TMA16: variants seen among roughly 807,000 people sequenced by gnomAD.
The protein encoded by TMA16 is translation machinery associated 16 homolog, also known as translation machinery-associated protein 16.
In TMA16, 26 loss-of-function variants were observed where a neutral mutation model predicts 27.1. The ratio of observed to expected loss-of-function variants is 0.96; its 90% CI spans 0.70 to 1.33. The LOEUF (loss-of-function observed/expected upper bound fraction) is 1.33, where lower values mean the gene tolerates loss of function less well. Among genes scored for constraint, TMA16 ranks in the 40% most tolerant of loss-of-function variants. TMA16 has a pLI of 0.00. For missense variants in TMA16, 233 were observed against 241.4 expected (o/e 0.97, Z 0.23); for synonymous variants, 71 against 81.9 (o/e 0.87, Z 0.72).
chr4:163,516,611 C>G (rs1216088194), intron 5 of TMA16, among the ~76,000 whole-genome samples: 1 of 152,092 alleles, frequency 6.6e-6, no homozygotes, highest in East Asian at 1.9e-4. Flanking sequence ...GTTCATGCCT[C>G]TTGTATTTCA....
At position 163,517,435 on chromosome 4, in the gene TMA16, G is replaced by T. The variant is rs761890276; in HGVS notation, c.390G>T (p.Glu130Asp). ...ERQQFEGYGL[E>D]IPDILNASNL... is the part of the protein sequence containing the mutation. ...GAGATAAATTACTTTCTTTTCCAGA[G>T]ATTCCAGACATTCTAAATGCAAGTA... Residue 130 changes from glutamate to aspartate, a missense_variant and splice_region_variant, in exon 6 of 7, where the codon GAG becomes GAT. Transcript: ENST00000358572. 5.0e-6 allele frequency: 8 copies of T among 1,612,718 alleles called. No individual in the cohort carries two copies. Among genetic ancestry groups the T allele is most frequent in the Non-Finnish European group, 6.8e-6 (8 of 1,179,228 alleles).
In TMA16 at chr4:163,494,768, T is replaced by G. The variant is rs554897304; in HGVS notation, c.-34T>G. Reference sequence around the variant, plus strand: ...TTGGTGAGATTACCTGGGTCTAGAGTGCGGAGCTGCTCCGTGGCCACGAGG... The same window carrying G: ...TTGGTGAGATTACCTGGGTCTAGAGGGCGGAGCTGCTCCGTGGCCACGAGG... On this transcript the variant is annotated 5_prime_UTR_variant, in exon 1 of 7. Transcript: ENST00000358572. The G allele has an allele frequency of 2.2e-5, 35 of 1,612,888 alleles. No individual in the cohort carries two copies. In the South Asian group the frequency reaches 3.7e-4, roughly 17 times the overall value.
intron 6 of TMA16, among the ~76,000 whole-genome samples, chr4:163,518,328 C>T (rs1051383307): frequency 3.3e-5 from 5 of 152,072 alleles, no homozygotes; most frequent in African/African-American, 7.2e-5. Flanking sequence ...GCAGCCTTGA[C>T]AAAAAATTTA....
In TMA16 at chr4:163,520,231, A is replaced by C; in HGVS notation, c.*717A>C. ...TTTATTTGTGGAGAGAGAGTTGAAG[A>C]TTAGGGAACCAGTGATTTTAATTAT... On this transcript the variant is annotated 3_prime_UTR_variant, in exon 7 of 7. Transcript: ENST00000358572. 3.9e-6 allele frequency: 1 copy of C among 258,310 alleles called. No homozygotes were observed. The highest frequency in any genetic ancestry group is 7.2e-6 in the Non-Finnish European group (1 of 139,150). The allele number at this position is 258,310 out of a possible 1,614,324, so 16.0% of individuals were successfully genotyped here.
intron 1 of TMA16, among the ~76,000 whole-genome samples, chr4:163,502,714 G>C (rs1737664573): frequency 6.6e-6 from 1 of 152,106 alleles, no homozygotes; most frequent in Non-Finnish European, 1.5e-5. Context: ...ATTTGTCATT[G>C]ACACGTGTCA....
intron 1 of TMA16, among the ~76,000 whole-genome samples, chr4:163,498,720 A>C (rs1737601504): frequency 6.6e-6 from 1 of 152,202 alleles, no homozygotes; most frequent in Non-Finnish European, 1.5e-5. Flanking sequence ...CGTGGCATGT[A>C]GTGGCACACT....
intron 2 of TMA16, among the ~76,000 whole-genome samples, chr4:163,508,053 T>A (rs995004693): frequency 6.6e-6 from 1 of 152,152 alleles, no homozygotes; most frequent in Non-Finnish European, 1.5e-5. Context: ...GGTAGTTTTT[T>A]ATTTTTTTCA....
At chr4:163,514,516 G>A (rs1046216665) in intron 4 of TMA16, among the ~76,000 whole-genome samples, 1 of 152,180 alleles carries the variant, frequency 6.6e-6, no homozygotes, top group African/African-American at 2.4e-5. Flanking sequence ...TTAGTGATCT[G>A]CCAGACATTT....
intron 6 of TMA16, 119 bp from the exon 7 acceptor site, chr4:163,519,215 C>G: frequency 1.1e-6 from 1 of 879,678 alleles, no homozygotes; most frequent in South Asian, 2.2e-5. Flanking sequence ...TTTCCTTTAA[C>G]GCTTTTGAAG....
chr4:163,504,245 G>A (rs945887926), intron 1 of TMA16, among the ~76,000 whole-genome samples: 24 of 152,222 alleles, frequency 1.6e-4, no homozygotes, highest in Admixed American at 1.4e-3. Flanking sequence ...TGATATGTGG[G>A]ATCAGATCTC....
chr4:163,519,924 G>A lies in TMA16; in HGVS notation c.*410G>A. The A allele has an allele frequency of 1.8e-6, 1 of 557,812 alleles. No homozygotes were observed. Among genetic ancestry groups the A allele is most frequent in the Non-Finnish European group, 3.2e-6 (1 of 313,400 alleles). 34.6% of individuals were successfully genotyped at this position (557,812 alleles called of 1,614,324 possible). A position where few individuals can be genotyped will look rare whatever the true frequency, so the allele number is the denominator to read the frequency against. ...GTGATAATAGCAAAATTGTTTTTCG[G>A]TAATAATATCACACTAATGCTTCTT... On this transcript the variant is annotated 3_prime_UTR_variant, in exon 7 of 7. Transcript: ENST00000358572.
chr4:163,513,938 C>T, intron 3 of TMA16, 136 bp from the exon 4 acceptor site: 1 of 531,932 alleles, frequency 1.9e-6, no homozygotes, highest in Admixed American at 4.0e-5. Context: ...TTTGAGCCCA[C>T]ACAAGGCTTT....
At chr4:163,502,906 C>T (rs528128028) in intron 1 of TMA16, among the ~76,000 whole-genome samples, 11 of 152,264 alleles carry the variant, frequency 7.2e-5, no homozygotes, top group Admixed American at 6.5e-4. Context: ...TCATTCACGG[C>T]ATAATGACAT....
At chr4:163,518,506 A>ATTAT (rs1241704911) in intron 6 of TMA16, among the ~76,000 whole-genome samples, 1 of 152,106 alleles carries the variant, frequency 6.6e-6, no homozygotes. Context: ...GGAATCTATA[A>ATTAT]GAAACAAATG....
At chr4:163,499,461 G>C (rs941484777) in intron 1 of TMA16, among the ~76,000 whole-genome samples, 27 of 152,174 alleles carry the variant, frequency 1.8e-4, no homozygotes, top group African/African-American at 6.5e-4. Context: ...TGTGTTCTAT[G>C]AGGAACTTAA....
rs1737898895 is a variant in TMA16 at position 163,517,489 on chromosome 4, T to C, written c.431+13T>C. 1 of 1,611,630 alleles carries C rather than the reference T, an allele frequency of 6.2e-7. No individual in the cohort carries two copies. Among genetic ancestry groups the C allele is most frequent in the Non-Finnish European group, 8.5e-7 (1 of 1,178,802 alleles). On this transcript the variant is annotated intron_variant, in intron 6 of 6. Transcript: ENST00000358572. ...TGAAAACATTTAGGTGAGTCTGTCT[T>C]GTATTGTTCCCCTGAAGCTGTGTGT...
chr4:163,510,259 G>A (rs1049236473), intron 2 of TMA16, among the ~76,000 whole-genome samples: 3 of 152,084 alleles, frequency 2.0e-5, no homozygotes, highest in Non-Finnish European at 2.9e-5. Context: ...ATAATAAAGC[G>A]AACACATTTT....
At chr4:163,512,994 GC>G in intron 3 of TMA16, 135 bp downstream of exon 3, 1 of 572,898 alleles carries the variant, frequency 1.7e-6, no homozygotes, top group Non-Finnish European at 2.9e-6. Context: ...TCTAAACAAA[GC>G]AAATCAATCA....
At chr4:163,517,361 A>T (rs983269888) in intron 5 of TMA16, 73 bp from the exon 6 acceptor site, 1 of 1,390,110 alleles carries the variant, frequency 7.2e-7, no homozygotes, top group African/African-American at 1.4e-5. Context: ...GCTAAAAATT[A>T]TTATTTGTTG....
Sources: gnomAD v4.1 joint callset for allele counts (sites outside exome capture counted in the v4.1 genomes callset) on GRCh38, gnomAD v4.1.1 for gene constraint, MANE v1.5 for transcripts, NCBI Gene and HGNC (gene_info 2026-07-23, HGNC 2026-07-21) for gene names.